The following CELF4 variants were observed in gnomAD, a reference collection of about 807,000 sequenced individuals.
The protein encoded by CELF4 is CUGBP Elav-like family member 4.
Under a neutral mutation model 59.9 loss-of-function variants are expected in CELF4, and 18 were observed. That is an observed-to-expected ratio of 0.30 (90% CI 0.21 to 0.45). CELF4 has a LOEUF of 0.45. CELF4 is among the 20% of genes least tolerant of loss of function. The probability of loss-of-function intolerance (pLI) is 1.00; values close to 1 mark genes in which losing one functional copy is unlikely to be tolerated. For synonymous variants in CELF4, 261 were observed against 267.1 expected, an observed-to-expected ratio of 0.98 and a Z score of 0.22; for missense variants, 456 against 689.0, an observed-to-expected ratio of 0.66 and a Z score of 3.79.
At chr18:37,323,272 C>T (rs1199949016) in intron 2 of CELF4, among the ~76,000 whole-genome samples, 1 of 139,192 alleles carries the variant, frequency 7.2e-6, no homozygotes, top group Admixed American at 7.1e-5. Context: ...CCAGGGCCAG[C>T]CCACCGAGAG....
At chr18:37,308,749 G>A (rs564715663) in intron 3 of CELF4, among the ~76,000 whole-genome samples, 10 of 139,260 alleles carry the variant, frequency 7.2e-5, no homozygotes, top group Non-Finnish European at 1.3e-4. Context: ...TGTCTAGGAC[G>A]TTGGGATCAT....
At chr18:37,512,278 A>G (rs1442913915) in intron 1 of CELF4, among the ~76,000 whole-genome samples, 1 of 152,306 alleles carries the variant, frequency 6.6e-6, no homozygotes, top group East Asian at 1.9e-4. Flanking sequence ...CCATGTGCTG[A>G]GCGTGATGGG....
intron 3 of CELF4, among the ~76,000 whole-genome samples, chr18:37,285,534 T>TG (rs958982710): frequency 5.3e-5 from 8 of 152,160 alleles, no homozygotes; most frequent in Non-Finnish European, 1.2e-4. Flanking sequence ...TTCCACCCTC[T>TG]GGGGGGCCAG....
intron 2 of CELF4, among the ~76,000 whole-genome samples, chr18:37,363,391 A>C (rs965882337): frequency 6.6e-6 from 1 of 152,230 alleles, no homozygotes; most frequent in Non-Finnish European, 1.5e-5. Flanking sequence ...GATGAAAATA[A>C]GTACAAACAT....
intron 1 of CELF4, among the ~76,000 whole-genome samples, chr18:37,552,309 C>T (rs2099983460): frequency 6.6e-6 from 1 of 152,240 alleles, no homozygotes; most frequent in Admixed American, 6.5e-5. Flanking sequence ...ATGAGGGAGG[C>T]CTATGTCTCC....
At chr18:37,283,168 G>A (rs542255438) in intron 3 of CELF4, among the ~76,000 whole-genome samples, 6 of 151,844 alleles carry the variant, frequency 4.0e-5, no homozygotes, top group South Asian at 2.1e-4. Flanking sequence ...GCACTCCTTC[G>A]CCAGCGCTGC....
intron 3 of CELF4, chr18:37,305,824 G>A (rs79978821): frequency 6.6e-6 from 1 of 152,382 alleles, no homozygotes; most frequent in African/African-American, 2.4e-5. Context: ...TTGGTGTCTG[G>A]TATTGAACCT....
At chr18:37,360,800 T>C (rs1208983235) in intron 2 of CELF4, among the ~76,000 whole-genome samples, 2 of 152,190 alleles carry the variant, frequency 1.3e-5, no homozygotes, top group Non-Finnish European at 2.9e-5. Flanking sequence ...TGCTTGGGAT[T>C]TGTAGCCAGA....
intron 2 of CELF4, among the ~76,000 whole-genome samples, chr18:37,419,033 G>A (rs1011468723): frequency 1.3e-5 from 2 of 152,162 alleles, no homozygotes; most frequent in Non-Finnish European, 2.9e-5. Flanking sequence ...GGTGTCCTCT[G>A]GTATGGCTGG....
In CELF4 at chr18:37,393,185, G is replaced by A. The variant is rs761324170; in HGVS notation, c.370-71304C>T. Among the ~76,000 whole-genome samples, 17 of 152,262 alleles carry A rather than the reference G, an allele frequency of 1.1e-4. No individual in the cohort carries two copies. In the Middle Eastern group the frequency reaches 0.01, roughly 91 times the overall value. On this transcript the variant is annotated intron_variant, in intron 2 of 12. Transcript: ENST00000420428. ...TTGAGGAGATGGCTTGGTTCCTCTCGGGGATACCCTGATGCCCTCCTGCTA... is the reference window on the plus strand; with the variant it reads ...TTGAGGAGATGGCTTGGTTCCTCTCAGGGATACCCTGATGCCCTCCTGCTA...
intron 1 of CELF4, among the ~76,000 whole-genome samples, chr18:37,534,255 C>G (rs773042586): frequency 2.0e-5 from 3 of 152,168 alleles, no homozygotes; most frequent in African/African-American, 7.2e-5. Context: ...CGTCATTAAT[C>G]ATCGGCCCCT....
In CELF4 at chr18:37,334,217, C is replaced by T. The variant is rs144958696; in HGVS notation, c.370-12336G>A. Among the ~76,000 whole-genome samples, 617 of 152,344 alleles carry T rather than the reference C, an allele frequency of 4.1e-3. 6 individuals carry two copies. The highest frequency in any genetic ancestry group is 0.014 in the African/African-American group (591 of 41,582). On this transcript the variant is annotated intron_variant, in intron 2 of 12. Transcript: ENST00000420428. The stretch of plus-strand genomic sequence containing the variant: ...CCAACTCATCTCCCATGCATTTTCC[C>T]TCATCCACTCTGCCTGGTACCAGCG...
At chr18:37,405,712 A>AG (rs2099383730) in intron 2 of CELF4, among the ~76,000 whole-genome samples, 1 of 152,230 alleles carries the variant, frequency 6.6e-6, no homozygotes, top group Non-Finnish European at 1.5e-5. Context: ...TCCCGCTAAA[A>AG]GCAGGAGTCC....
At position 37,385,369 on chromosome 18, in the gene CELF4, A is replaced by AAG. The variant is rs1557401072; in HGVS notation, c.370-63489_370-63488insCT. Among the ~76,000 whole-genome samples, 9 of 151,510 alleles carry AAG rather than the reference A, an allele frequency of 5.9e-5. No individual in the cohort carries two copies. The South Asian group carries it at 6.3e-4, about 11-fold the overall frequency. ...GACTCCATCTCAAAAAAAAAAAAAA[A>AAG]AAAGAAAGAAAGAAAAGAAAGAAAA... On this transcript the variant is annotated intron_variant, in intron 2 of 12. Coordinates refer to ENST00000420428, the MANE Select transcript of CELF4 (RefSeq NM_020180.4).
At position 37,243,754 on chromosome 18, in the gene CELF4, G is replaced by C. The variant is rs2061042718; in HGVS notation, c.*1488C>G. On this transcript the variant is annotated 3_prime_UTR_variant, in exon 13 of 13. Transcript: ENST00000420428. ...TTTATTTTTCTCTCTCTTTTTTAAG[G>C]TTTTGTGTGTGTGTGTGTTGTCTAG... is the stretch of plus-strand genomic sequence containing the variant. The C allele has an allele frequency of 6.5e-6, 1 of 154,602 alleles. No homozygotes were observed. Among genetic ancestry groups the C allele is most frequent in the African/African-American group, 2.4e-5 (1 of 41,476 alleles). The allele number at this position is 154,602 out of a possible 1,614,324, so 9.6% of individuals were successfully genotyped here.
intron 3 of CELF4, 59 bp from the exon 4 acceptor site, chr18:37,275,302 G>A: frequency 1.3e-6 from 2 of 1,548,724 alleles, no homozygotes; most frequent in South Asian, 1.1e-5. Flanking sequence ...CGGGAGCAGG[G>A]CAAGGCCGGA....
At chr18:37,502,080 G>A (rs1049385898) in intron 1 of CELF4, among the ~76,000 whole-genome samples, 3 of 152,116 alleles carry the variant, frequency 2.0e-5, no homozygotes, top group Non-Finnish European at 2.9e-5. Context: ...CGTGAACCTC[G>A]AGCCACTGAG....
At chr18:37,459,684 C>G (rs2154602089) in intron 2 of CELF4, among the ~76,000 whole-genome samples, 1 of 152,228 alleles carries the variant, frequency 6.6e-6, no homozygotes, top group East Asian at 1.9e-4. Context: ...GGGATGCATG[C>G]CGATCTTCAG....
chr18:37,390,802 C>G (rs867319211), intron 2 of CELF4, among the ~76,000 whole-genome samples: 71 of 57,764 alleles, frequency 1.2e-3, no homozygotes, highest in Middle Eastern at 9.1e-3. Context: ...GGTGATGGGG[C>G]GGGGAGGGGG....
Sources: allele counts gnomAD v4.1 joint callset (sites outside exome capture counted in the v4.1 genomes callset), GRCh38; gene constraint gnomAD v4.1.1; transcripts MANE v1.5; gene names NCBI Gene and HGNC (gene_info 2026-07-23, HGNC 2026-07-21).